Variants in LY9 observed in about 807,000 individuals in gnomAD.
The protein encoded by LY9 is T-lymphocyte surface antigen Ly-9.
A neutral mutation model predicts 64.6 loss-of-function variants in LY9; 59 were observed. The observed-to-expected ratio is 0.91, with a 90% confidence interval of 0.74 to 1.13. The LOEUF (loss-of-function observed/expected upper bound fraction) is 1.13, where lower values mean the gene tolerates loss of function less well. LY9 is among the 50% of genes most tolerant of loss of function. LY9 has a pLI of 0.00. For synonymous variants in LY9, 281 were observed against 308.5 expected, an observed-to-expected ratio of 0.91 and a Z score of 0.93; for missense variants, 789 against 797.2, an observed-to-expected ratio of 0.99 and a Z score of 0.12.
At position 160,823,891 on chromosome 1, in the gene LY9, G is replaced by A. The variant is rs920627497; in HGVS notation, c.1830+95G>A. 4 of 1,063,390 alleles carry A rather than the reference G, an allele frequency of 3.8e-6. No individual in the cohort carries two copies. The African/African-American group carries it at 4.7e-5, about 13-fold the overall frequency. 65.9% of individuals were successfully genotyped at this position (1,063,390 alleles called of 1,614,324 possible). ...TAGTTCCTCCAAACTGGGGGCTGGG[G>A]CCTGGAAACAGGACTAGGGGCATAC... is the stretch of plus-strand genomic sequence containing the variant. On this transcript the variant is annotated intron_variant, in intron 8 of 9. Coordinates refer to ENST00000263285, the MANE Select transcript of LY9 (RefSeq NM_002348.4).
intron 9 of LY9, 119 bp from the exon 10 acceptor site, chr1:160,827,629 A>G: frequency 1.4e-6 from 1 of 718,448 alleles, no homozygotes; most frequent in Non-Finnish European, 2.3e-6. Flanking sequence ...GGGCCAGCAC[A>G]TATGACTCTA....
chr1:160,798,989 C>T (rs2101732441), intron 1 of LY9: 1 of 152,294 alleles, frequency 6.6e-6, no homozygotes, highest in East Asian at 1.9e-4. Context: ...TGGCCAAATA[C>T]CAGCTTCCTA....
At chr1:160,816,194 T>G (rs1363335280) in intron 4 of LY9, among the ~76,000 whole-genome samples, 1 of 152,224 alleles carries the variant, frequency 6.6e-6, no homozygotes, top group Non-Finnish European at 1.5e-5. Context: ...CGCTCACCTC[T>G]CTGCATCCCT....
At chr1:160,806,519 A>G (rs562946053) in intron 2 of LY9, among the ~76,000 whole-genome samples, 3 of 152,266 alleles carry the variant, frequency 2.0e-5, no homozygotes, top group African/African-American at 4.8e-5. Flanking sequence ...ATTTTCCCAG[A>G]TATAGTATTT....
chr1:160,820,857 T>TA lies in LY9; in HGVS notation c.1498+1485dup, dbSNP rs397744001. On this transcript the variant is annotated intron_variant, in intron 7 of 9. Transcript: ENST00000263285. ...TAATTGAATAGTTTTTTTTTTTTTT[T>TA]AATTCAAAAGTCAGACTGGGCACGG... Among the ~76,000 whole-genome samples the TA allele has an allele frequency of 1.6e-3, 242 of 150,884 alleles. 1 individual carries two copies. The highest frequency in any genetic ancestry group is 5.7e-3 in the African/African-American group (231 of 40,704).
At chr1:160,801,176 C>T (rs1014562665) in intron 2 of LY9, among the ~76,000 whole-genome samples, 1 of 152,118 alleles carries the variant, frequency 6.6e-6, no homozygotes, top group South Asian at 2.1e-4. Context: ...TGGTTTCCAT[C>T]CCCACCAAGA....
chr1:160,809,865 A>G (rs1328421378), intron 2 of LY9: 4 of 152,022 alleles, frequency 2.6e-5, no homozygotes, highest in Non-Finnish European at 5.9e-5. Context: ...TGAGATGAGC[A>G]TCTCTTCATG....
At chr1:160,821,154 A>AAG (rs1447627661) in intron 7 of LY9, among the ~76,000 whole-genome samples, 1 of 149,470 alleles carries the variant, frequency 6.7e-6, no homozygotes, top group Non-Finnish European at 1.5e-5. Flanking sequence ...ACTTTGCTAA[A>AAG]AAAAAAAAAA....
intron 1 of LY9, among the ~76,000 whole-genome samples, chr1:160,796,740 A>G (rs905339800): frequency 6.6e-5 from 10 of 152,198 alleles, no homozygotes; most frequent in Admixed American, 3.3e-4. Flanking sequence ...GCATGTGTGC[A>G]TATTCGTGCA....
chr1:160,800,189 A>C (rs1453803448), intron 2 of LY9, 107 bp downstream of exon 2: 1 of 789,098 alleles, frequency 1.3e-6, no homozygotes, highest in Non-Finnish European at 2.0e-6. Context: ...CATACTGATC[A>C]AGTCAGAGTT....
chr1:160,827,784 C>T lies in LY9; in HGVS notation c.1936C>T (p.Pro646Ser), dbSNP rs773712223. The stretch of plus-strand genomic sequence containing the variant: ...ACCACAACAGAATGATCTTGAGATT[C>T]CTGAAAGTCCTACCTATGAAAATTT... ...PPPQQNDLEI[P>S]ESPTYENFT Residue 646 changes from proline to serine, a missense_variant, in exon 10 of 10, where the codon CCT becomes TCT. Coordinates refer to ENST00000263285, the MANE Select transcript of LY9 (RefSeq NM_002348.4). 18 of 1,609,654 alleles carry T rather than the reference C, an allele frequency of 1.1e-5. No individual in the cohort carries two copies. The highest frequency in any genetic ancestry group is 1.5e-5 in the Non-Finnish European group (18 of 1,178,108).
At chr1:160,816,529 T>C in intron 4 of LY9, 65 bp from the exon 5 acceptor site, 1 of 1,491,328 alleles carries the variant, frequency 6.7e-7, no homozygotes, top group Non-Finnish European at 9.0e-7. Flanking sequence ...TTTCAATGAA[T>C]GAAGACAGGT....
intron 7 of LY9, 80 bp downstream of exon 7, chr1:160,819,454 T>C: frequency 7.8e-7 from 1 of 1,283,046 alleles, no homozygotes; most frequent in African/African-American, 1.5e-5. Flanking sequence ...AAGTGTGGTC[T>C]GCTGGCCAGC....
chr1:160,826,311 G>A (rs1379265840), intron 9 of LY9, among the ~76,000 whole-genome samples: 1 of 152,070 alleles, frequency 6.6e-6, no homozygotes, highest in Non-Finnish European at 1.5e-5. Flanking sequence ...AGGTAAAAGA[G>A]GTAGAGGAGG....
intron 2 of LY9, 62 bp downstream of exon 2, chr1:160,800,144 G>A: frequency 6.7e-6 from 9 of 1,348,756 alleles, no homozygotes; most frequent in Non-Finnish European, 9.3e-6. Context: ...CAAATTTATG[G>A]GGTATGTGTG....
chr1:160,801,821 C>T (rs1666508223), intron 2 of LY9: 1 of 1,613,998 alleles, frequency 6.2e-7, no homozygotes, highest in Non-Finnish European at 8.5e-7. Flanking sequence ...CCGTCCACGT[C>T]ATCGAGGGTG....
rs75084804 is a variant in LY9 at position 160,808,329 on chromosome 1, C to T, written c.455-5307C>T. On this transcript the variant is annotated intron_variant, in intron 2 of 9. Transcript: ENST00000263285. ...GCAACAGTTTTAGTTTTCCTAACAC[C>T]TCAGACCCAGCACTGTTGGGCCCCA... 5.9e-3 allele frequency among the ~76,000 whole-genome samples: 891 copies of T among 152,278 alleles called. 8 individuals are homozygous for T. Among genetic ancestry groups the T allele is most frequent in the African/African-American group, 0.021 (870 of 41,538 alleles).
At chr1:160,800,278 A>C in intron 2 of LY9, 196 bp downstream of exon 2, 1 of 563,046 alleles carries the variant, frequency 1.8e-6, no homozygotes, top group Non-Finnish European at 3.1e-6. Flanking sequence ...AATTGAATTG[A>C]TTTTCTCTAT....
Position 160,802,068 on chromosome 1 carries a change from A to T in LY9, c.454+1986A>T, listed in dbSNP as rs996553358. 7 of 1,387,386 alleles carry T rather than the reference A, an allele frequency of 5.0e-6. No homozygotes were observed. The African/African-American group carries it at 1.0e-4, about 21-fold the overall frequency. The allele number at this position is 1,387,386 out of a possible 1,614,324, so 85.9% of individuals were successfully genotyped here. On this transcript the variant is annotated intron_variant, in intron 2 of 9. Transcript: ENST00000263285. Reference sequence around the variant, plus strand: ...TAGACGTGGGCGTTAGGCGTGTCCCACCCACCCGCCGCCTCCCATGGCACG... The same window carrying T: ...TAGACGTGGGCGTTAGGCGTGTCCCTCCCACCCGCCGCCTCCCATGGCACG...
Sources: allele counts gnomAD v4.1 joint callset (sites outside exome capture counted in the v4.1 genomes callset), GRCh38; gene constraint gnomAD v4.1.1; transcripts MANE v1.5; gene names NCBI Gene and HGNC (gene_info 2026-07-23, HGNC 2026-07-21).